Variants in MAP3K5 observed in about 807,000 individuals in gnomAD.
MAP3K5 encodes the protein ASK-1.
MAP3K5 carries 56 observed loss-of-function variants against 158.7 expected under a neutral mutation model. That is an observed-to-expected ratio of 0.35 (90% CI 0.28 to 0.44). The LOEUF (loss-of-function observed/expected upper bound fraction) is 0.44. Among genes scored for constraint, MAP3K5 ranks in the 20% least tolerant of loss-of-function variants. The probability of loss-of-function intolerance (pLI) is 1.00; values close to 1 mark genes in which losing one functional copy is unlikely to be tolerated. For missense variants in MAP3K5, 1,294 were observed against 1,674.8 expected, an observed-to-expected ratio of 0.77 and a Z score of 3.97; for synonymous variants, 579 against 601.7, an observed-to-expected ratio of 0.96 and a Z score of 0.55.
intron 1 of MAP3K5, among the ~76,000 whole-genome samples, chr6:136,735,841 CA>C (rs1441698457): frequency 6.6e-6 from 1 of 151,702 alleles, no homozygotes; most frequent in East Asian, 1.9e-4. Context: ...AAAAAACAAA[CA>C]AAAAAAGCAT....
intron 13 of MAP3K5, 125 bp downstream of exon 13, chr6:136,639,418 C>A: frequency 3.9e-6 from 2 of 516,164 alleles, no homozygotes; most frequent in Non-Finnish European, 6.9e-6. Flanking sequence ...AAATATTAGC[C>A]CAAATAAAAT....
intron 7 of MAP3K5, among the ~76,000 whole-genome samples, chr6:136,685,406 T>C (rs1218600184): frequency 1.3e-5 from 2 of 152,098 alleles, no homozygotes; most frequent in Non-Finnish European, 2.9e-5. Flanking sequence ...TATCGGAAAA[T>C]AGATCACATT....
rs1361463148 is a variant in MAP3K5, at chr6:136,561,514, CACAG to C, written c.3987+15_3987+18del. ...AAACGAAGTGAAAGAATACTTGTCC[CACAG>C]ACAGTTTTCTTTACCCGGCTTATAG... On this transcript the variant is annotated intron_variant, in intron 28 of 29. Transcript: ENST00000359015. 2.6e-6 allele frequency: 4 copies of C among 1,534,302 alleles called. No homozygotes were observed. Among genetic ancestry groups the C allele is most frequent in the Non-Finnish European group, 3.6e-6 (4 of 1,107,636 alleles).
chr6:136,582,263 C>CGTGTGTGTGTGT lies in MAP3K5; in HGVS notation c.3411+1280_3411+1291dup, dbSNP rs61451347. Among the ~76,000 whole-genome samples the CGTGTGTGTGTGT allele has an allele frequency of 6.5e-5, 9 of 138,026 alleles. 2 individuals are homozygous for CGTGTGTGTGTGT. The highest frequency in any genetic ancestry group is 5.0e-4 in the South Asian group (2 of 4,038). 90.6% of individuals were successfully genotyped at this position (138,026 alleles called of 152,430 possible). A position where few individuals can be genotyped will look rare whatever the true frequency, so the allele number is the denominator to read the frequency against. ...GTGTATGTGTACACGTGTGTGTATA[C>CGTGTGTGTGTGT]GTGTGTGTGTGTGTGTGTGTGTGTG... is the stretch of plus-strand genomic sequence containing the variant. On this transcript the variant is annotated intron_variant, in intron 24 of 29. Coordinates refer to ENST00000359015, the MANE Select transcript of MAP3K5 (RefSeq NM_005923.4).
chr6:136,724,584 T>G (rs1269660681), intron 1 of MAP3K5, among the ~76,000 whole-genome samples: 3 of 152,222 alleles, frequency 2.0e-5, no homozygotes, highest in Non-Finnish European at 2.9e-5. Context: ...CAAAGTAAGG[T>G]ATATTTATTA....
intron 21 of MAP3K5, among the ~76,000 whole-genome samples, chr6:136,599,180 C>T (rs78103817): frequency 8.2e-6 from 1 of 121,658 alleles, no homozygotes; most frequent in Non-Finnish European, 1.7e-5. Flanking sequence ...GGGGGGGGGG[C>T]GTGGATTTTA....
In MAP3K5 at chr6:136,668,608, A is replaced by G. The variant is rs192193213; in HGVS notation, c.1366+675T>C. On this transcript the variant is annotated intron_variant, in intron 8 of 29. Coordinates refer to ENST00000359015, the MANE Select transcript of MAP3K5 (RefSeq NM_005923.4). Reference sequence around the variant, plus strand: ...AGGATTCCAGTATCTAGAATCTTTAAAAAATGTGATCAAAGCCAAAACCAA... The same window carrying G: ...AGGATTCCAGTATCTAGAATCTTTAGAAAATGTGATCAAAGCCAAAACCAA... Among the ~76,000 whole-genome samples, 4 of 152,324 alleles carry G rather than the reference A, an allele frequency of 2.6e-5. No homozygotes were observed. The East Asian group carries it at 7.7e-4, about 29-fold the overall frequency.
intron 23 of MAP3K5, among the ~76,000 whole-genome samples, chr6:136,591,278 A>G (rs1775373883): frequency 6.6e-6 from 1 of 152,138 alleles, no homozygotes; most frequent in South Asian, 2.1e-4. Flanking sequence ...CATCCCAAGG[A>G]TGTGCACGTT....
chr6:136,693,738 C>T (rs1299018009), intron 7 of MAP3K5, among the ~76,000 whole-genome samples: 1 of 152,018 alleles, frequency 6.6e-6, no homozygotes, highest in Non-Finnish European at 1.5e-5. Context: ...GCCTGTAATC[C>T]CAGCACTTGA....
At chr6:136,769,482 T>A (rs1050745888) in intron 1 of MAP3K5, among the ~76,000 whole-genome samples, 2 of 152,044 alleles carry the variant, frequency 1.3e-5, no homozygotes, top group Admixed American at 1.3e-4. Flanking sequence ...TACACAGTAC[T>A]TTAAAATGGT....
At chr6:136,695,746 G>A (rs1048520668) in intron 6 of MAP3K5, among the ~76,000 whole-genome samples, 6 of 152,246 alleles carry the variant, frequency 3.9e-5, no homozygotes, top group South Asian at 2.1e-4. Context: ...TACCAACAGT[G>A]TGCGACTTTT....
intron 1 of MAP3K5, among the ~76,000 whole-genome samples, chr6:136,732,517 C>G (rs757593517): frequency 6.6e-6 from 1 of 152,176 alleles, no homozygotes; most frequent in African/African-American, 2.4e-5. Context: ...AAAGGAAGAA[C>G]ACCGATCTCC....
chr6:136,708,762 C>A (rs930648123), intron 2 of MAP3K5, among the ~76,000 whole-genome samples: 1 of 152,104 alleles, frequency 6.6e-6, no homozygotes, highest in African/African-American at 2.4e-5. Context: ...GGCTCACGAA[C>A]AAGGAAGCTG....
intron 9 of MAP3K5, 65 bp from the exon 10 acceptor site, chr6:136,656,525 C>A: frequency 1.0e-6 from 1 of 954,774 alleles, no homozygotes; most frequent in Non-Finnish European, 1.6e-6. Flanking sequence ...CCATGTATCC[C>A]AGTCTAATTC....
chr6:136,633,864 GT>G (rs1314332991), intron 14 of MAP3K5, among the ~76,000 whole-genome samples: 3 of 152,114 alleles, frequency 2.0e-5, no homozygotes, highest in Admixed American at 6.5e-5. Context: ...TTTTTATTTT[GT>G]TCTGGGCCAA....
Position 136,613,242 on chromosome 6 carries a change from G to C in MAP3K5, c.2293C>G (p.Leu765Val). 1 of 1,612,830 alleles carries C rather than the reference G, an allele frequency of 6.2e-7. No homozygotes were observed. The highest frequency in any genetic ancestry group is 1.1e-5 in the South Asian group (1 of 90,846). Residue 765 changes from leucine to valine, a missense_variant, in exon 17 of 30, where the codon CTC becomes GTC. Leu to Val is a conservative substitution (Grantham distance 32). Transcript: ENST00000359015. The surrounding 1 kb of genome is among the most constrained non-coding windows in gnomAD (Gnocchi z 4.0). The part of the protein sequence containing the change: ...EQVPGGSLSA[L>V]LRSKWGPLKD... ...AATGGACCCCATTTGGAACGAAGGA[G>C]AGCAGAAAGACTTCCTGTAAAGTAG...
chr6:136,590,764 T>A (rs1775349523), intron 23 of MAP3K5, among the ~76,000 whole-genome samples: 1 of 152,058 alleles, frequency 6.6e-6, no homozygotes, highest in Non-Finnish European at 1.5e-5. Flanking sequence ...ATGGTCTCGA[T>A]CTCCTGACCT....
chr6:136,749,426 G>A (rs572026046), intron 1 of MAP3K5, among the ~76,000 whole-genome samples: 12 of 150,912 alleles, frequency 8.0e-5, no homozygotes, highest in Admixed American at 3.3e-4. Flanking sequence ...CGTGAAGGTC[G>A]CCAGTGAAAA....
chr6:136,775,287 T>C (rs899841417), intron 1 of MAP3K5, among the ~76,000 whole-genome samples: 12 of 152,226 alleles, frequency 7.9e-5, no homozygotes, highest in Non-Finnish European at 1.3e-4. Context: ...GTATAGATTA[T>C]GGCTCAAAAG....
Sources: gnomAD v4.1 joint callset for allele counts (sites outside exome capture counted in the v4.1 genomes callset) on GRCh38, gnomAD v4.1.1 for gene constraint, Gnocchi (gnomAD v3.1) non-coding constraint, MANE v1.5 for transcripts, NCBI Gene and HGNC (gene_info 2026-07-23, HGNC 2026-07-21) for gene names.